Variants in NPAS3 observed in about 807,000 individuals in gnomAD.
The protein encoded by NPAS3 is neuronal PAS domain protein 3, also known as neuronal PAS domain-containing protein 3.
Under a neutral mutation model 73.1 loss-of-function variants are expected in NPAS3, and 14 were observed. That is an observed-to-expected ratio of 0.19 (90% CI 0.13 to 0.30). The LOEUF (loss-of-function observed/expected upper bound fraction) is 0.30. Among genes scored for constraint, NPAS3 ranks in the 10% least tolerant of loss-of-function variants. The probability of loss-of-function intolerance (pLI) is 1.00; values close to 1 mark genes in which losing one functional copy is unlikely to be tolerated. For missense variants in NPAS3, 1,096 were observed against 1,250.0 expected, an observed-to-expected ratio of 0.88 and a Z score of 1.86; for synonymous variants, 620 against 541.5, an observed-to-expected ratio of 1.14 and a Z score of -2.01.
exon 12 of NPAS3, chr14:33,801,057 T>G: frequency 1.3e-6 from 2 of 1,595,012 alleles, no homozygotes; most frequent in Non-Finnish European, 1.7e-6. Context: ...CCCTTCCCCG[T>G]CTACAGCAAC....
intron 6 of NPAS3, among the ~76,000 whole-genome samples, chr14:33,729,129 T>C (rs2061342407): frequency 6.6e-6 from 1 of 152,176 alleles, no homozygotes; most frequent in South Asian, 2.1e-4. Flanking sequence ...CTTACAGTCT[T>C]GTACATGGCA....
downstream of NPAS3, chr14:33,801,196 G>A: frequency 1.3e-6 from 2 of 1,508,314 alleles, no homozygotes; most frequent in Non-Finnish European, 1.8e-6. Context: ...CTAGCACTTT[G>A]AATTCGAGCA....
chr14:33,748,270 T>C (rs1303065430), intron 7 of NPAS3, among the ~76,000 whole-genome samples: 1 of 152,316 alleles, frequency 6.6e-6, no homozygotes, highest in East Asian at 1.9e-4. Context: ...ACAAGTTTTT[T>C]AGTATTGGGG....
intron 4 of NPAS3, among the ~76,000 whole-genome samples, chr14:33,435,054 C>A (rs148813876): frequency 6.6e-6 from 1 of 152,178 alleles, no homozygotes. Flanking sequence ...ATTCAGTGAT[C>A]TTAGTCTCTC....
At chr14:33,168,756 T>A (rs1453161403) in intron 2 of NPAS3, among the ~76,000 whole-genome samples, 7 of 152,096 alleles carry the variant, frequency 4.6e-5, no homozygotes, top group Non-Finnish European at 8.8e-5. Context: ...CCTCTTCCCC[T>A]CTTCCTTCTG....
At chr14:33,167,077 C>T (rs369398108) in intron 2 of NPAS3, among the ~76,000 whole-genome samples, 82 of 152,210 alleles carry the variant, frequency 5.4e-4, no homozygotes, top group African/African-American at 1.9e-3. Flanking sequence ...AATATGATTC[C>T]TTGAGCCTCT....
At position 33,111,485 on chromosome 14, in the gene NPAS3, C is replaced by A. The variant is rs1230288949; in HGVS notation, c.140+55491C>A. ...TGCTACAGTAATTCACAAAGCAAAC[C>A]AACTCACTTTATAATTTATATCCCC... On this transcript the variant is annotated intron_variant, in intron 2 of 11. Transcript: ENST00000356141. 5.9e-5 allele frequency among the ~76,000 whole-genome samples: 9 copies of A among 152,164 alleles called. No homozygotes were observed. The South Asian group carries it at 8.3e-4, about 14-fold the overall frequency.
At chr14:33,083,853 A>C (rs909998113) in intron 2 of NPAS3, among the ~76,000 whole-genome samples, 1 of 152,150 alleles carries the variant, frequency 6.6e-6, no homozygotes, top group African/African-American at 2.4e-5. Context: ...CTCTCTATCC[A>C]CAGTAATTGA....
intron 4 of NPAS3, among the ~76,000 whole-genome samples, chr14:33,396,343 T>C (rs1388213298): frequency 6.6e-6 from 1 of 152,188 alleles, no homozygotes; most frequent in Non-Finnish European, 1.5e-5. Flanking sequence ...GTCCTGACTC[T>C]GAGCAGTGCT....
intron 3 of NPAS3, among the ~76,000 whole-genome samples, chr14:33,244,513 T>TAA (rs147338224): frequency 0.018 from 2,608 of 148,092 alleles, 74 homozygotes; most frequent in African/African-American, 0.061. Context: ...TAATGTAAGT[T>TAA]AAAAAAAAAA....
intron 4 of NPAS3, among the ~76,000 whole-genome samples, chr14:33,369,426 A>T (rs1464234417): frequency 4.9e-5 from 7 of 143,410 alleles, no homozygotes; most frequent in Non-Finnish European, 3.0e-5. Flanking sequence ...AAAAAAAAAA[A>T]AGGATTAAAC....
intron 5 of NPAS3, among the ~76,000 whole-genome samples, chr14:33,566,590 G>GGTGATC (rs1451360046): frequency 6.6e-6 from 1 of 152,030 alleles, no homozygotes; most frequent in African/African-American, 2.4e-5. Flanking sequence ...ATAGTTCTTA[G>GGTGATC]GTGATCATCT....
At chr14:33,352,461 G>A (rs887004215) in intron 3 of NPAS3, among the ~76,000 whole-genome samples, 6 of 152,106 alleles carry the variant, frequency 3.9e-5, no homozygotes, top group Non-Finnish European at 5.9e-5. Context: ...GAAAACTGTC[G>A]CACATTTAAC....
chr14:33,741,258 A>G (rs1233346486), intron 7 of NPAS3, among the ~76,000 whole-genome samples: 1 of 152,176 alleles, frequency 6.6e-6, no homozygotes, highest in Non-Finnish European at 1.5e-5. Context: ...TGAAATGATG[A>G]CTACGGCATT....
At chr14:33,557,270 A>G (rs1016264238) in intron 4 of NPAS3, among the ~76,000 whole-genome samples, 1 of 152,184 alleles carries the variant, frequency 6.6e-6, no homozygotes, top group Admixed American at 6.5e-5. Context: ...TCCCTTAGAC[A>G]GTATTTTATT....
intron 3 of NPAS3, 128 bp downstream of exon 3, chr14:33,215,554 T>A (rs2047191645): frequency 9.6e-7 from 1 of 1,037,242 alleles, no homozygotes; most frequent in Non-Finnish European, 1.5e-6. Context: ...AATGTGGAAA[T>A]CTGAACTCTG....
At chr14:33,484,626 T>C (rs1170545071) in intron 4 of NPAS3, among the ~76,000 whole-genome samples, 1 of 152,174 alleles carries the variant, frequency 6.6e-6, no homozygotes, top group Non-Finnish European at 1.5e-5. Flanking sequence ...AGATGTGGAT[T>C]TCAAAGTAGT....
At chr14:33,590,148 T>G (rs754417037) in intron 5 of NPAS3, among the ~76,000 whole-genome samples, 12 of 152,172 alleles carry the variant, frequency 7.9e-5, no homozygotes, top group Non-Finnish European at 1.3e-4. Flanking sequence ...AGCAGAAAAT[T>G]CCTCAGTATA....
intron 4 of NPAS3, among the ~76,000 whole-genome samples, chr14:33,375,433 A>G (rs2046271502): frequency 1.3e-5 from 2 of 152,234 alleles, no homozygotes; most frequent in African/African-American, 4.8e-5. Flanking sequence ...GCTTAATTGC[A>G]GTAAATAACT....
Sources: gnomAD v4.1 joint callset for allele counts (sites outside exome capture counted in the v4.1 genomes callset) on GRCh38, gnomAD v4.1.1 for gene constraint, MANE v1.5 for transcripts, NCBI Gene and HGNC (gene_info 2026-07-23, HGNC 2026-07-21) for gene names.